CDH4: variants seen among roughly 807,000 people sequenced by gnomAD.
CDH4 encodes the protein cadherin-4.
A neutral mutation model predicts 86.0 loss-of-function variants in CDH4; 33 were observed. That is an observed-to-expected ratio of 0.38 (90% CI 0.29 to 0.51). CDH4 has a LOEUF of 0.51. CDH4 is among the 20% of genes least tolerant of loss of function. The pLI is 0.86. For synonymous variants in CDH4, 555 were observed against 549.4 expected (o/e 1.01, Z -0.14); for missense variants, 1,114 against 1,307.4 (o/e 0.85, Z 2.28).
chr20:61,303,553 A>T (rs1445524894), intron 2 of CDH4, among the ~76,000 whole-genome samples: 1 of 152,200 alleles, frequency 6.6e-6, no homozygotes, highest in African/African-American at 2.4e-5. Context: ...AGGCTGCAGC[A>T]GCAGGACAGG....
At chr20:61,898,271 G>C (rs542940338) in intron 8 of CDH4, among the ~76,000 whole-genome samples, 1 of 152,248 alleles carries the variant, frequency 6.6e-6, no homozygotes, top group Non-Finnish European at 1.5e-5. Context: ...AAGCTACAGA[G>C]ATGCAGGGGA....
chr20:61,406,042 T>G (rs1237660118), intron 2 of CDH4, among the ~76,000 whole-genome samples: 1 of 152,220 alleles, frequency 6.6e-6, no homozygotes, highest in Non-Finnish European at 1.5e-5. Flanking sequence ...AACTGTCACT[T>G]GTCCCATAAA....
chr20:61,850,087 C>T lies in CDH4; in HGVS notation c.733-2667C>T, dbSNP rs142810192. On this transcript the variant is annotated intron_variant, in intron 5 of 15. Coordinates refer to ENST00000614565, the MANE Select transcript of CDH4 (RefSeq NM_001794.5). ...CCTGTAAACATTCAAACGCACAACA[C>T]GCACAAGTGCTCACTGCTGGCTTTG... is the stretch of plus-strand genomic sequence containing the variant. 2.6e-3 allele frequency among the ~76,000 whole-genome samples: 397 copies of T among 152,340 alleles called. 3 individuals carry two copies. The highest frequency in any genetic ancestry group is 3.9e-3 in the Non-Finnish European group (262 of 68,032).
chr20:61,934,035 C>A (rs541453868), intron 14 of CDH4, 21 bp from the exon 15 acceptor site: 1 of 1,609,762 alleles, frequency 6.2e-7, no homozygotes, highest in Non-Finnish European at 8.5e-7. Flanking sequence ...GCCCCTGACT[C>A]CTCCCGGCTC....
rs2995910 is a variant in CDH4, at chr20:61,290,438, A to G, written c.169+35501A>G. 2.9e-3 allele frequency among the ~76,000 whole-genome samples: 221 copies of G among 76,054 alleles called. 15 individuals are homozygous for G. The highest frequency in any genetic ancestry group is 0.01 in the Middle Eastern group (1 of 96). 49.9% of individuals were successfully genotyped at this position (76,054 alleles called of 152,430 possible). A position where few individuals can be genotyped will look rare whatever the true frequency, so the allele number is the denominator to read the frequency against. ...AATGAGACTTGCTGGGTTTATCCCG[A>G]TATCCAATGAGACTTGCTGGATTTA... is the stretch of plus-strand genomic sequence containing the variant. On this transcript the variant is annotated intron_variant, in intron 2 of 15. Transcript: ENST00000614565.
chr20:61,575,014 G>A (rs775575593), intron 2 of CDH4, among the ~76,000 whole-genome samples: 2 of 152,198 alleles, frequency 1.3e-5, no homozygotes, highest in Non-Finnish European at 2.9e-5. Context: ...CTGGGAAGGT[G>A]CGGCACAGGG....
intron 3 of CDH4, among the ~76,000 whole-genome samples, chr20:61,750,153 T>C (rs1337160532): frequency 6.6e-6 from 1 of 152,052 alleles, no homozygotes; most frequent in East Asian, 1.9e-4. Context: ...AGAAAGAAAT[T>C]GTTAAAACAG....
At chr20:61,536,394 G>A (rs1288587808) in intron 2 of CDH4, among the ~76,000 whole-genome samples, 1 of 152,088 alleles carries the variant, frequency 6.6e-6, no homozygotes, top group Non-Finnish European at 1.5e-5. Flanking sequence ...AACAACCCAT[G>A]GAAAGTTCCA....
At chr20:61,287,228 A>C (rs1222269087) in intron 2 of CDH4, among the ~76,000 whole-genome samples, 1 of 152,160 alleles carries the variant, frequency 6.6e-6, no homozygotes, top group East Asian at 1.9e-4. Flanking sequence ...GTCTACTCTC[A>C]GTGCACACTA....
chr20:61,606,897 G>C (rs1308742053), intron 2 of CDH4, among the ~76,000 whole-genome samples: 2 of 152,244 alleles, frequency 1.3e-5, no homozygotes, highest in Non-Finnish European at 2.9e-5. Context: ...CTACCGCCGG[G>C]ATGTCCTGGT....
chr20:61,715,107 C>T (rs1353095320), intron 2 of CDH4, among the ~76,000 whole-genome samples: 1 of 152,170 alleles, frequency 6.6e-6, no homozygotes, highest in Non-Finnish European at 1.5e-5. Flanking sequence ...GCCATTCTGT[C>T]TAGGGAAAGG....
intron 2 of CDH4, among the ~76,000 whole-genome samples, chr20:61,321,047 C>G (rs928185075): frequency 6.6e-6 from 1 of 152,148 alleles, no homozygotes; most frequent in Admixed American, 6.5e-5. Context: ...CCCAGGGTCC[C>G]CTGACACCGT....
Position 61,851,555 on chromosome 20 carries a change from A to G in CDH4, c.733-1199A>G, listed in dbSNP as rs6061868. ...CTGGGCTGGGTGATGTTTTGCTGCAAATACCTTGAGTGAGGTCTGTTGTGT... is the reference window on the plus strand; with the variant it reads ...CTGGGCTGGGTGATGTTTTGCTGCAGATACCTTGAGTGAGGTCTGTTGTGT... On this transcript the variant is annotated intron_variant, in intron 5 of 15. Transcript: ENST00000614565. Among the ~76,000 whole-genome samples, 328 of 152,300 alleles carry G rather than the reference A, an allele frequency of 2.2e-3. 2 individuals carry two copies. The highest frequency in any genetic ancestry group is 7.5e-3 in the African/African-American group (312 of 41,554).
At chr20:61,402,448 G>T (rs1302017225) in intron 2 of CDH4, among the ~76,000 whole-genome samples, 1 of 151,826 alleles carries the variant, frequency 6.6e-6, no homozygotes, top group Non-Finnish European at 1.5e-5. Context: ...AGGCTGGAGT[G>T]CAGTGGTACA....
At chr20:61,853,427 A>G (rs1982833437) in intron 6 of CDH4, among the ~76,000 whole-genome samples, 1 of 152,054 alleles carries the variant, frequency 6.6e-6, no homozygotes, top group South Asian at 2.1e-4. Context: ...GACTCCCCCC[A>G]CAGAGGCGAT....
chr20:61,777,255 ATGAGTGAG>A (rs141271975), intron 4 of CDH4, among the ~76,000 whole-genome samples: 1 of 152,160 alleles, frequency 6.6e-6, no homozygotes, highest in Non-Finnish European at 1.5e-5. Flanking sequence ...GAGGGAATGA[ATGAGTGAG>A]TGAGTGAGTG....
intron 2 of CDH4, among the ~76,000 whole-genome samples, chr20:61,662,808 CA>C (rs1407719889): frequency 6.6e-6 from 1 of 152,190 alleles, no homozygotes; most frequent in Admixed American, 6.5e-5. Flanking sequence ...TTTCCTGCAG[CA>C]CCCCAGGGAG....
chr20:61,499,979 C>T (rs149294775), intron 2 of CDH4, among the ~76,000 whole-genome samples: 12 of 152,290 alleles, frequency 7.9e-5, no homozygotes, highest in Non-Finnish European at 1.2e-4. Flanking sequence ...GCTTACATGT[C>T]CCTGAGTCAT....
intron 2 of CDH4, among the ~76,000 whole-genome samples, chr20:61,680,221 G>A (rs1448625799): frequency 6.6e-6 from 1 of 152,234 alleles, no homozygotes; most frequent in African/African-American, 2.4e-5. Context: ...CTCCACAGGA[G>A]CCCTGCAGCC....
Sources: gnomAD v4.1 joint callset for allele counts (sites outside exome capture counted in the v4.1 genomes callset) on GRCh38, gnomAD v4.1.1 for gene constraint, MANE v1.5 for transcripts, NCBI Gene and HGNC (gene_info 2026-07-23, HGNC 2026-07-21) for gene names.